Variants in MTFR1 observed in about 807,000 individuals in gnomAD.
MTFR1 encodes chondrocyte protein with a poly-proline region.
In MTFR1, 28 loss-of-function variants were observed where a neutral mutation model predicts 38.8. That is an observed-to-expected ratio of 0.72 (90% CI 0.53 to 0.99). MTFR1 has a LOEUF of 0.99. Among genes scored for constraint, MTFR1 ranks in the 50% least tolerant of loss-of-function variants. MTFR1 has a pLI of 0.00. For synonymous variants in MTFR1, 145 were observed against 137.0 expected (o/e 1.06, Z -0.41); for missense variants, 358 against 395.5 (o/e 0.91, Z 0.81).
chr8:65,714,631 A>G (rs1020122958), downstream of MTFR1: 7 of 152,332 alleles, frequency 4.6e-5, no homozygotes, highest in East Asian at 3.9e-4. Flanking sequence ...CTGAATTCCT[A>G]TTAGCTATTG....
intron 3 of MTFR1, chr8:65,724,719 T>C (rs1806537209): frequency 2.8e-6 from 4 of 1,407,176 alleles, no homozygotes; most frequent in South Asian, 1.3e-5. Context: ...ATTCATTTTT[T>C]AGTTTGACAG....
intron 3 of MTFR1, among the ~76,000 whole-genome samples, chr8:65,764,466 T>C (rs909429713): frequency 1.3e-5 from 2 of 152,172 alleles, no homozygotes; most frequent in African/African-American, 2.4e-5. Flanking sequence ...TGCTTGTGAA[T>C]AGGAAACTAA....
intron 4 of MTFR1, among the ~76,000 whole-genome samples, chr8:65,694,499 T>C (rs931096816): frequency 6.6e-6 from 1 of 152,230 alleles, no homozygotes; most frequent in East Asian, 1.9e-4. Flanking sequence ...TAAGTCCTCA[T>C]TGACAGAATT....
At chr8:65,727,252 G>A (rs1254506144) in intron 3 of MTFR1, 2 of 1,613,574 alleles carry the variant, frequency 1.2e-6, no homozygotes, top group Admixed American at 1.7e-5. Flanking sequence ...ATGAGTGGCA[G>A]CTGCAATTAA....
downstream of MTFR1, among the ~76,000 whole-genome samples, chr8:65,774,354 CT>C (rs1809197549): frequency 6.6e-6 from 1 of 152,126 alleles, no homozygotes; most frequent in Non-Finnish European, 1.5e-5. Flanking sequence ...TAAAATTACT[CT>C]GAATGGTTCC....
At chr8:65,664,716 C>T (rs1174593775) in intron 1 of MTFR1, among the ~76,000 whole-genome samples, 1 of 151,264 alleles carries the variant, frequency 6.6e-6, no homozygotes, top group Non-Finnish European at 1.5e-5. Context: ...CCTGCCTCAG[C>T]CTCCCAGGTA....
intron 2 of MTFR1, among the ~76,000 whole-genome samples, chr8:65,675,168 G>C (rs112408769): frequency 2.0e-5 from 3 of 152,188 alleles, no homozygotes; most frequent in Non-Finnish European, 4.4e-5. Flanking sequence ...GCGCATGCCC[G>C]TAGTCCCCGC....
intron 2 of MTFR1, among the ~76,000 whole-genome samples, chr8:65,681,671 G>GTTTTT (rs200580429): frequency 1.8e-5 from 2 of 108,356 alleles, no homozygotes; most frequent in African/African-American, 3.4e-5. Context: ...TGTTGTTTTT[G>GTTTTT]TTTTTTTTTT....
At chr8:65,740,561 C>T (rs1331950332) in intron 3 of MTFR1, among the ~76,000 whole-genome samples, 1 of 152,128 alleles carries the variant, frequency 6.6e-6, no homozygotes, top group African/African-American at 2.4e-5. Context: ...CCACCAAGCC[C>T]GGCTAATTTT....
chr8:65,704,814 G>C lies in MTFR1; in HGVS notation c.402G>C (p.Ala134=). 1 of 1,614,096 alleles carries C rather than the reference G, an allele frequency of 6.2e-7. No homozygotes were observed. The highest frequency in any genetic ancestry group is 8.5e-7 in the Non-Finnish European group (1 of 1,180,010). ...AAGAGCCTCAGCTGAAGACCCCAGC[G>C]CTGGCAAATGAGGAAGCACTGCAGA... ...SQEEPQLKTP[A]LANEEALQKI... is the part of the protein sequence containing the mutation. The change falls in exon 5 of 8, where the codon GCG becomes GCC. Residue 134 remains alanine (A), a synonymous_variant. Transcript: ENST00000262146.
chr8:65,680,710 G>A (rs1804853085), intron 2 of MTFR1, among the ~76,000 whole-genome samples: 1 of 151,994 alleles, frequency 6.6e-6, no homozygotes. Context: ...TAAAAAAGTG[G>A]TAGTATCCAT....
At position 65,669,964 on chromosome 8, in the gene MTFR1, G is replaced by A. The variant is rs755274367; in HGVS notation, c.12G>A (p.Trp4Ter). The A allele has an allele frequency of 1.2e-6, 2 of 1,603,574 alleles. No individual in the cohort carries two copies. Among genetic ancestry groups the A allele is most frequent in the South Asian group, 2.3e-5 (2 of 88,206 alleles). The change falls in exon 2 of 8, where the codon TGG (tryptophan) becomes TGA (stop). Residue 4 changes from tryptophan (W) to a stop codon, truncating the protein, a stop_gained. Coordinates refer to ENST00000262146, the MANE Select transcript of MTFR1 (RefSeq NM_014637.4). LOFTEE classifies it high-confidence loss of function. MLG[W>*]IKRLIRMVFQ... ...ACTTTGCCATATAAATGCTTGGCTG[G>A]ATTAAGCGCCTAATTAGGATGGTTT...
At chr8:65,697,940 A>T (rs551146271) in intron 4 of MTFR1, among the ~76,000 whole-genome samples, 96 of 151,658 alleles carry the variant, frequency 6.3e-4, no homozygotes, top group Non-Finnish European at 1.2e-3. Context: ...ATTTTCTCCT[A>T]CTCTGTGGCT....
chr8:65,770,038 A>G (rs141970915), intron 3 of MTFR1, among the ~76,000 whole-genome samples: 4 of 152,316 alleles, frequency 2.6e-5, no homozygotes, highest in East Asian at 1.9e-4. Flanking sequence ...ACATACAAAA[A>G]GTTACAAAAA....
intron 3 of MTFR1, among the ~76,000 whole-genome samples, chr8:65,689,801 C>T (rs1447931875): frequency 6.6e-6 from 1 of 151,930 alleles, no homozygotes; most frequent in African/African-American, 2.4e-5. Context: ...ACACCTGAAA[C>T]GGCCTTTTAT....
chr8:65,728,947 A>C (rs181109726), intron 3 of MTFR1, among the ~76,000 whole-genome samples: 2 of 152,340 alleles, frequency 1.3e-5, no homozygotes, highest in African/African-American at 4.8e-5. Flanking sequence ...GTAACTTTAA[A>C]AACAAATCAC....
intron 3 of MTFR1, among the ~76,000 whole-genome samples, chr8:65,730,437 C>T (rs1276543791): frequency 1.3e-5 from 2 of 151,848 alleles, no homozygotes; most frequent in Non-Finnish European, 2.9e-5. Flanking sequence ...GCCTCAGCCT[C>T]CCAAAGTGCT....
At chr8:65,756,227 T>C (rs1808234594) in intron 3 of MTFR1, among the ~76,000 whole-genome samples, 11 of 152,244 alleles carry the variant, frequency 7.2e-5, no homozygotes, top group Admixed American at 5.2e-4. Context: ...TTGACTATAG[T>C]GTGTCTCAGT....
At chr8:65,689,332 T>C (rs1383860512) in intron 3 of MTFR1, among the ~76,000 whole-genome samples, 1 of 152,238 alleles carries the variant, frequency 6.6e-6, no homozygotes, top group Non-Finnish European at 1.5e-5. Context: ...TTCTAAGCTT[T>C]TCTACTATTG....
Sources: gnomAD v4.1 joint callset for allele counts (sites outside exome capture counted in the v4.1 genomes callset) on GRCh38, gnomAD v4.1.1 for gene constraint, MANE v1.5 for transcripts, NCBI Gene and HGNC (gene_info 2026-07-23, HGNC 2026-07-21) for gene names.